Variants in DIAPH3 observed in about 807,000 individuals in gnomAD.
DIAPH3 encodes the protein protein diaphanous homolog 3.
A neutral mutation model predicts 144.3 loss-of-function variants in DIAPH3; 117 were observed. The ratio of observed to expected loss-of-function variants is 0.81; its 90% CI spans 0.70 to 0.95. DIAPH3 has a LOEUF of 0.95. DIAPH3 is among the 40% of genes least tolerant of loss of function. The probability of loss-of-function intolerance (pLI) is 0.00; values close to 1 mark genes in which losing one functional copy is unlikely to be tolerated. For missense variants in DIAPH3, 1,421 were observed against 1,412.7 expected, an observed-to-expected ratio of 1.01 and a Z score of -0.09; for synonymous variants, 519 against 488.9, an observed-to-expected ratio of 1.06 and a Z score of -0.81.
chr13:59,785,261 T>A (rs2038973812), intron 25 of DIAPH3, among the ~76,000 whole-genome samples: 1 of 152,242 alleles, frequency 6.6e-6, no homozygotes, highest in Non-Finnish European at 1.5e-5. Flanking sequence ...TTCTCCCTTA[T>A]TCGTCATGAT....
intron 3 of DIAPH3, among the ~76,000 whole-genome samples, chr13:60,102,045 T>C (rs553962136): frequency 6.6e-6 from 1 of 152,288 alleles, no homozygotes; most frequent in African/African-American, 2.4e-5. Context: ...AAATTTCAAT[T>C]CCCTATATGA....
intron 27 of DIAPH3, among the ~76,000 whole-genome samples, chr13:59,750,933 T>C (rs1195461674): frequency 1.3e-5 from 2 of 152,186 alleles, no homozygotes; most frequent in Non-Finnish European, 2.9e-5. Flanking sequence ...AGATCAACAG[T>C]TGTCAGGGTC....
chr13:59,772,478 A>T (rs2038171216), intron 27 of DIAPH3, among the ~76,000 whole-genome samples: 1 of 152,130 alleles, frequency 6.6e-6, no homozygotes, highest in Admixed American at 6.5e-5. Flanking sequence ...CTTAATTATC[A>T]TAACAGCCTT....
chr13:60,067,997 T>C (rs1207519573), intron 4 of DIAPH3, among the ~76,000 whole-genome samples: 1 of 152,224 alleles, frequency 6.6e-6, no homozygotes, highest in Non-Finnish European at 1.5e-5. Flanking sequence ...TCTGCAGATT[T>C]GCTTTTCTCA....
At chr13:59,957,484 T>G in intron 17 of DIAPH3, among the ~76,000 whole-genome samples, 1 of 152,182 alleles carries the variant, frequency 6.6e-6, no homozygotes. Context: ...TCCCCAGCCA[T>G]GTGGAACTCT....
intron 1 of DIAPH3, among the ~76,000 whole-genome samples, chr13:60,148,702 TGAA>T (rs1226106940): frequency 4.6e-5 from 7 of 152,306 alleles, no homozygotes; most frequent in Middle Eastern, 3.4e-3. Context: ...ACAAATACAA[TGAA>T]GAAGTCATAT....
At chr13:59,992,420 A>T in intron 10 of DIAPH3, 53 bp downstream of exon 10, 1 of 1,399,216 alleles carries the variant, frequency 7.1e-7, no homozygotes, top group Non-Finnish European at 9.9e-7. Flanking sequence ...ATTTCCCCCT[A>T]CTCAAGTACT....
chr13:59,741,830 G>T (rs1291412905), intron 27 of DIAPH3, among the ~76,000 whole-genome samples: 9 of 152,100 alleles, frequency 5.9e-5, no homozygotes, highest in African/African-American at 2.2e-4. Flanking sequence ...GACATAGGGG[G>T]TAAAATATTT....
intron 27 of DIAPH3, chr13:59,695,970 T>C (rs2033779435): frequency 6.6e-6 from 1 of 152,166 alleles, no homozygotes; most frequent in African/African-American, 2.4e-5. Flanking sequence ...ACAGTAGAAC[T>C]AGAACTAAGT....
chr13:59,698,921 CT>C (rs2033956071), intron 27 of DIAPH3, among the ~76,000 whole-genome samples: 2 of 152,166 alleles, frequency 1.3e-5, no homozygotes, highest in South Asian at 4.2e-4. Flanking sequence ...GTCCTCTCTC[CT>C]TTTTGGTATT....
rs563257246 is a variant in DIAPH3 at position 60,068,278 on chromosome 13, T to C, written c.495+25350A>G. Among the ~76,000 whole-genome samples the C allele has an allele frequency of 1.2e-4, 19 of 152,316 alleles. 1 individual carries two copies. The South Asian group carries it at 3.9e-3, about 32-fold the overall frequency. On this transcript the variant is annotated intron_variant, in intron 4 of 27. Coordinates refer to ENST00000400324, the MANE Select transcript of DIAPH3 (RefSeq NM_001042517.2). ...TGCATATTTTCTTTTTTCATAGACA[T>C]TTCAGATAACTTAACCAAAAATGCT...
chr13:60,108,272 T>C (rs1446090085), intron 3 of DIAPH3, among the ~76,000 whole-genome samples: 5 of 152,092 alleles, frequency 3.3e-5, no homozygotes, highest in Admixed American at 1.3e-4. Flanking sequence ...ACTCAGCACA[T>C]GTGAAGATAA....
At chr13:59,852,507 A>G (rs1346292753) in intron 22 of DIAPH3, among the ~76,000 whole-genome samples, 2 of 152,212 alleles carry the variant, frequency 1.3e-5, no homozygotes, top group African/African-American at 4.8e-5. Flanking sequence ...TTTCAAAAGA[A>G]ATCTTATGTC....
At chr13:59,940,289 C>G (rs2048464376) in intron 17 of DIAPH3, among the ~76,000 whole-genome samples, 2 of 152,144 alleles carry the variant, frequency 1.3e-5, no homozygotes, top group Non-Finnish European at 2.9e-5. Context: ...GAATTAACAT[C>G]TTAGTGAAGA....
chr13:59,982,501 A>T (rs914174615), intron 13 of DIAPH3, among the ~76,000 whole-genome samples: 2 of 151,212 alleles, frequency 1.3e-5, no homozygotes, highest in African/African-American at 4.9e-5. Flanking sequence ...GTTCTTCACT[A>T]ATTATATTTC....
chr13:59,697,903 A>C (rs1037850773), intron 27 of DIAPH3, among the ~76,000 whole-genome samples: 3 of 152,230 alleles, frequency 2.0e-5, no homozygotes, highest in Non-Finnish European at 4.4e-5. Flanking sequence ...TACAGTGAAT[A>C]ATTATGCTTT....
intron 20 of DIAPH3, among the ~76,000 whole-genome samples, chr13:59,899,192 T>C (rs1393421252): frequency 6.6e-6 from 1 of 152,216 alleles, no homozygotes; most frequent in Non-Finnish European, 1.5e-5. Context: ...ACTGGCTTCC[T>C]TGCTCTTCAG....
At chr13:60,112,314 C>A in intron 2 of DIAPH3, 128 bp from the exon 3 acceptor site, 1 of 1,061,948 alleles carries the variant, frequency 9.4e-7, no homozygotes, top group Non-Finnish European at 1.4e-6. Context: ...AGGCATTCAG[C>A]ATTGGAATAT....
intron 25 of DIAPH3, among the ~76,000 whole-genome samples, chr13:59,777,772 T>A (rs1223189330): frequency 6.6e-6 from 1 of 151,882 alleles, no homozygotes; most frequent in Non-Finnish European, 1.5e-5. Flanking sequence ...TAAAAATGTA[T>A]CAATATCATG....
Sources: gnomAD v4.1 joint callset for allele counts (sites outside exome capture counted in the v4.1 genomes callset) on GRCh38, gnomAD v4.1.1 for gene constraint, MANE v1.5 for transcripts, NCBI Gene and HGNC (gene_info 2026-07-23, HGNC 2026-07-21) for gene names.